The following TIMP3 variants were observed in gnomAD, a reference collection of about 807,000 sequenced individuals.
TIMP3 encodes the protein TIMP metallopeptidase inhibitor 3.
Under a neutral mutation model 30.0 loss-of-function variants are expected in TIMP3, and 11 were observed. That is an observed-to-expected ratio of 0.37 (90% CI 0.23 to 0.61). The LOEUF (loss-of-function observed/expected upper bound fraction) is 0.61. Ranked by LOEUF, TIMP3 falls within the 20% of genes least tolerant of loss-of-function variation. The pLI is 0.70. For synonymous variants in TIMP3, 112 were observed against 111.3 expected (o/e 1.01, Z -0.04); for missense variants, 181 against 276.8 (o/e 0.65, Z 2.45).
intron 1 of TIMP3, among the ~76,000 whole-genome samples, chr22:32,818,998 TATAA>T (rs2047162515): frequency 6.6e-6 from 1 of 152,222 alleles, no homozygotes; most frequent in East Asian, 1.9e-4. Flanking sequence ...CTGACACAGT[TATAA>T]ATAACCTCGA....
intron 1 of TIMP3, among the ~76,000 whole-genome samples, chr22:32,836,396 C>T (rs2047730479): frequency 6.6e-6 from 1 of 152,214 alleles, no homozygotes; most frequent in Non-Finnish European, 1.5e-5. Flanking sequence ...ACTTCAAGGC[C>T]AGGGCAGGTG....
intron 1 of TIMP3, among the ~76,000 whole-genome samples, chr22:32,830,480 G>A (rs991314327): frequency 2.0e-5 from 3 of 152,170 alleles, no homozygotes; most frequent in Non-Finnish European, 4.4e-5. Context: ...TCTTTGCCCT[G>A]TGTGCCCCTC....
intron 1 of TIMP3, among the ~76,000 whole-genome samples, chr22:32,814,726 G>A (rs903692854): frequency 3.9e-5 from 6 of 152,064 alleles, no homozygotes; most frequent in Non-Finnish European, 8.8e-5. Flanking sequence ...CAAATAGTTC[G>A]AATTCCTTCT....
chr22:32,833,737 ACTT>A (rs2047645837), intron 1 of TIMP3: 2 of 493,352 alleles, frequency 4.1e-6, no homozygotes, highest in East Asian at 6.9e-5. Context: ...GGGGAGAGTC[ACTT>A]CTTCTTTACA....
intron 3 of TIMP3, 129 bp from the exon 4 acceptor site, chr22:32,857,887 TA>T: frequency 7.1e-7 from 1 of 1,409,976 alleles, no homozygotes; most frequent in Non-Finnish European, 1.0e-6. Flanking sequence ...TAGGGTGAAA[TA>T]AAATCATGGG....
chr22:32,822,938 AAC>A (rs1419569333), intron 1 of TIMP3, among the ~76,000 whole-genome samples: 181 of 116,294 alleles, frequency 1.6e-3, no homozygotes, highest in East Asian at 5.1e-3. Context: ...ACAAAAAAAA[AAC>A]AGAGAGAGAG....
At chr22:32,831,663 C>T (rs1351606644) in intron 1 of TIMP3, among the ~76,000 whole-genome samples, 3 of 152,220 alleles carry the variant, frequency 2.0e-5, no homozygotes, top group Non-Finnish European at 4.4e-5. Flanking sequence ...TCAGAACACA[C>T]AGAGCCAGAG....
intron 1 of TIMP3, among the ~76,000 whole-genome samples, chr22:32,831,954 G>A (rs1283595826): frequency 6.6e-6 from 1 of 152,154 alleles, no homozygotes; most frequent in African/African-American, 2.4e-5. Flanking sequence ...CTCCTCAGGG[G>A]CAGGCAGGGC....
intron 2 of TIMP3, among the ~76,000 whole-genome samples, chr22:32,854,563 C>T (rs1165291688): frequency 3.3e-5 from 5 of 152,110 alleles, no homozygotes; most frequent in East Asian, 1.9e-4. Flanking sequence ...AGAAGTTGCT[C>T]GGCACAGAAG....
chr22:32,840,611 T>C (rs1188057064), intron 1 of TIMP3, among the ~76,000 whole-genome samples: 2 of 151,924 alleles, frequency 1.3e-5, no homozygotes, highest in Non-Finnish European at 2.9e-5. Flanking sequence ...TGATTCTGCC[T>C]CACTTCCAGC....
intron 1 of TIMP3, among the ~76,000 whole-genome samples, chr22:32,823,990 C>T (rs2047330615): frequency 6.6e-6 from 1 of 152,118 alleles, no homozygotes; most frequent in African/African-American, 2.4e-5. Context: ...CTGTAAAATA[C>T]AGTGCAGGCC....
chr22:32,842,588 C>T (rs2146204188), intron 1 of TIMP3, among the ~76,000 whole-genome samples: 1 of 152,288 alleles, frequency 6.6e-6, no homozygotes, highest in East Asian at 1.9e-4. Flanking sequence ...AGCAATATAA[C>T]AGTGTATCAT....
At chr22:32,829,443 C>T (rs1467667501) in intron 1 of TIMP3, among the ~76,000 whole-genome samples, 1 of 152,088 alleles carries the variant, frequency 6.6e-6, no homozygotes, top group Non-Finnish European at 1.5e-5. Context: ...CCCGGGCCTT[C>T]GGCATTTCAT....
At chr22:32,836,696 G>A (rs996142541) in intron 1 of TIMP3, among the ~76,000 whole-genome samples, 3 of 152,180 alleles carry the variant, frequency 2.0e-5, no homozygotes, top group African/African-American at 7.2e-5. Flanking sequence ...GGTGCTGAGT[G>A]AGTAGGGGAC....
At chr22:32,854,798 G>A (rs1327883146) in intron 2 of TIMP3, among the ~76,000 whole-genome samples, 2 of 152,184 alleles carry the variant, frequency 1.3e-5, no homozygotes, top group Admixed American at 1.3e-4. Flanking sequence ...AAGCCTTGGG[G>A]GAGAAGAGAG....
chr22:32,845,265 C>T (rs1195154157), intron 1 of TIMP3, among the ~76,000 whole-genome samples: 3 of 151,910 alleles, frequency 2.0e-5, no homozygotes, highest in Admixed American at 6.6e-5. Flanking sequence ...GATGCAATCT[C>T]GGCTCACTGC....
chr22:32,828,878 A>T (rs2047489941), intron 1 of TIMP3, among the ~76,000 whole-genome samples: 1 of 152,154 alleles, frequency 6.6e-6, no homozygotes, highest in Non-Finnish European at 1.5e-5. Flanking sequence ...GGAGACAGTC[A>T]CATAAGGAAA....
chr22:32,819,038 G>A (rs1193254097), intron 1 of TIMP3, among the ~76,000 whole-genome samples: 1 of 152,250 alleles, frequency 6.6e-6, no homozygotes, highest in African/African-American at 2.4e-5. Flanking sequence ...TTAAGTATAG[G>A]TGAGCCAGAG....
intron 1 of TIMP3, among the ~76,000 whole-genome samples, chr22:32,843,586 C>T (rs1293006916): frequency 6.6e-6 from 1 of 152,192 alleles, no homozygotes; most frequent in Non-Finnish European, 1.5e-5. Flanking sequence ...GGCCGTGAGA[C>T]AAGCTGGGTG....
Sources: allele counts gnomAD v4.1 joint callset (sites outside exome capture counted in the v4.1 genomes callset), GRCh38; gene constraint gnomAD v4.1.1; transcripts MANE v1.5; gene names NCBI Gene and HGNC (gene_info 2026-07-23, HGNC 2026-07-21).